Variants in ATP13A4 observed in about 807,000 individuals in gnomAD.
ATP13A4 encodes ATPase 13A4.
A neutral mutation model predicts 142.5 loss-of-function variants in ATP13A4; 114 were observed. The observed-to-expected ratio is 0.80, with a 90% CI of 0.69 to 0.93. The LOEUF (loss-of-function observed/expected upper bound fraction) is 0.93, where lower values mean the gene tolerates loss of function less well. Ranked by LOEUF, ATP13A4 falls within the 40% of genes least tolerant of loss-of-function variation. The pLI, the probability that ATP13A4 is intolerant of heterozygous loss-of-function variation, is 0.00. For synonymous variants in ATP13A4, 488 were observed against 514.8 expected (o/e 0.95, Z 0.70); for missense variants, 1,392 against 1,454.0 (o/e 0.96, Z 0.69).
At position 193,448,244 on chromosome 3, in the gene ATP13A4, T is replaced by C. The variant is rs778965925; in HGVS notation, c.2114A>G (p.Glu705Gly). 2 of 1,614,096 alleles carry C rather than the reference T, an allele frequency of 1.2e-6. No homozygotes were observed. The highest frequency in any genetic ancestry group is 1.3e-5 in the African/African-American group (1 of 74,952). The change falls in exon 18 of 30, where the codon GAG (glutamate) becomes GGG (glycine). Residue 705 changes from glutamate to glycine, a missense_variant. Transcript: ENST00000342695. Reference sequence around the variant, plus strand: ...AGTCCTTATCCGGGCTGAGATGAGCTCTTCCAAGACAGGTTTTGTCTCTTC... The same window carrying C: ...AGTCCTTATCCGGGCTGAGATGAGCCCTTCCAAGACAGGTTTTGTCTCTTC... ...LKEETKPVLE[E>G]LISARIRTVM... is the part of the protein sequence containing the mutation.
chr3:193,506,672 G>T (rs1204934621), intron 2 of ATP13A4, among the ~76,000 whole-genome samples: 1 of 152,132 alleles, frequency 6.6e-6, no homozygotes, highest in South Asian at 2.1e-4. Context: ...GGGACCCAGT[G>T]GGGGGTAATT....
At chr3:193,440,521 A>G in intron 21 of ATP13A4, 37 bp downstream of exon 21, 1 of 1,613,022 alleles carries the variant, frequency 6.2e-7, no homozygotes, top group Non-Finnish European at 8.5e-7. Context: ...TTATGCCTCC[A>G]TGCAGTTCAT....
rs1714954528 is a variant in ATP13A4, at chr3:193,414,599, C to T, written c.2994G>A (p.Trp998Ter). 8.7e-6 allele frequency: 14 copies of T among 1,614,042 alleles called. No individual in the cohort carries two copies. Among genetic ancestry groups the T allele is most frequent in the Non-Finnish European group, 1.2e-5 (14 of 1,179,986 alleles). The change falls in exon 26 of 30, where the codon TGG (tryptophan) becomes TGA (stop). Residue 998 changes from tryptophan to a stop codon, truncating the protein, a stop_gained. Transcript: ENST00000342695. LOFTEE classifies it high-confidence loss of function. ...CATACCTGTGTATCTCCACGGAATACCAAGGCTGCCTCTGAACCAGGATGA... is the reference window on the plus strand; with the variant it reads ...CATACCTGTGTATCTCCACGGAATATCAAGGCTGCCTCTGAACCAGGATGA... The part of the protein sequence containing the change: ...AGFILVQRQP[W>*]YSVEIHSACT...
At chr3:193,511,383 C>T (rs746024982) in intron 2 of ATP13A4, among the ~76,000 whole-genome samples, 7 of 152,128 alleles carry the variant, frequency 4.6e-5, no homozygotes, top group East Asian at 3.9e-4. Context: ...AGAGATCACC[C>T]GACTGAGTAT....
At chr3:193,480,899 TG>T (rs1719253514) in intron 8 of ATP13A4, among the ~76,000 whole-genome samples, 1 of 152,038 alleles carries the variant, frequency 6.6e-6, no homozygotes, top group Non-Finnish European at 1.5e-5. Flanking sequence ...AATCTATGAG[TG>T]GATAAAGAAA....
intron 24 of ATP13A4, 92 bp from the exon 25 acceptor site, chr3:193,434,009 G>T: frequency 9.5e-7 from 1 of 1,055,798 alleles, no homozygotes; most frequent in Non-Finnish European, 1.5e-6. Flanking sequence ...GTGACATAGG[G>T]TTTTTCAAGT....
intron 2 of ATP13A4, among the ~76,000 whole-genome samples, chr3:193,511,554 T>C (rs939121164): frequency 7.2e-5 from 11 of 152,224 alleles, no homozygotes; most frequent in African/African-American, 2.7e-4. Flanking sequence ...CTCTTTTGTA[T>C]AGAACACTTT....
At chr3:193,532,083 GTCA>G (rs1253026011) in intron 1 of ATP13A4, among the ~76,000 whole-genome samples, 8 of 151,978 alleles carry the variant, frequency 5.3e-5, no homozygotes, top group Non-Finnish European at 1.0e-4. Flanking sequence ...AGATTCCAGA[GTCA>G]TCACCCCAAA....
chr3:193,501,726 A>G (rs1394147321), intron 3 of ATP13A4, among the ~76,000 whole-genome samples: 1 of 152,208 alleles, frequency 6.6e-6, no homozygotes, highest in Non-Finnish European at 1.5e-5. Flanking sequence ...ACATAAATGT[A>G]AGACAAAACA....
chr3:193,560,314 T>G (rs1723987866), intron 2 of ATP13A4, among the ~76,000 whole-genome samples: 1 of 151,930 alleles, frequency 6.6e-6, no homozygotes, highest in Non-Finnish European at 1.5e-5. Context: ...GCCCAAGGGA[T>G]CCTGCCACCT....
At position 193,491,536 on chromosome 3, in the gene ATP13A4, T is replaced by C; in HGVS notation, c.534-138A>G. 4 of 694,786 alleles carry C rather than the reference T, an allele frequency of 5.8e-6. No individual in the cohort carries two copies. The South Asian group carries it at 6.5e-5, about 11-fold the overall frequency. The allele number at this position is 694,786 out of a possible 1,614,324, so 43.0% of individuals were successfully genotyped here. On this transcript the variant is annotated intron_variant, in intron 5 of 29. Coordinates refer to ENST00000342695, the MANE Select transcript of ATP13A4 (RefSeq NM_032279.4). ...CATAAGTCTCCCTTGTTAAATACCA[T>C]TCTGATCCTTCTCAAAATAATGGGA...
Position 193,467,395 on chromosome 3 carries a change from A to G in ATP13A4, c.1035T>C (p.His345=), listed in dbSNP as rs1420533862. ...TAACCTCTGTTCCACAGAAGAGGAC[A>G]TGCCGCTTGTAATCCGCTTCACTCT... is the stretch of plus-strand genomic sequence containing the variant. The part of the protein sequence containing the change: ...KTQSEADYKR[H]VLFCGTEVIQ... Residue 345 remains histidine (H), a synonymous_variant, in exon 10 of 30, where the codon CAT becomes CAC. Coordinates refer to ENST00000342695, the MANE Select transcript of ATP13A4 (RefSeq NM_032279.4). 1.9e-6 allele frequency: 3 copies of G among 1,614,124 alleles called. No homozygotes were observed. Among genetic ancestry groups the G allele is most frequent in the African/African-American group, 1.3e-5 (1 of 75,040 alleles).
chr3:193,466,175 G>C lies in ATP13A4; in HGVS notation c.1122C>G (p.Asn374Lys). Residue 374 changes from asparagine to lysine, a missense_variant, in exon 11 of 30, where the codon AAC (asparagine) becomes AAG (lysine). By Grantham distance (94) the Asn-to-Lys change is moderately conservative. Transcript: ENST00000342695. Reference protein sequence around the residue: ...VRAVVLQTGFNTAKGDLVRSI... With the variant: ...VRAVVLQTGFKTAKGDLVRSI... ...ATCTCACAAGGTCTCCCTTTGCAGT[G>C]TTGAATCCTGGAACAACAAACACAC... 6.2e-7 allele frequency: 1 copy of C among 1,613,852 alleles called. No homozygotes were observed.
intron 1 of ATP13A4, among the ~76,000 whole-genome samples, chr3:193,539,902 G>A (rs1171298688): frequency 6.6e-6 from 1 of 152,130 alleles, no homozygotes; most frequent in Non-Finnish European, 1.5e-5. Context: ...TGGACACTCT[G>A]TGGGAAATTA....
intron 2 of ATP13A4, among the ~76,000 whole-genome samples, chr3:193,569,676 C>T (rs1029569021): frequency 3.3e-5 from 5 of 151,918 alleles, no homozygotes; most frequent in Admixed American, 1.3e-4. Context: ...GACAGATGCA[C>T]GCCACCACGC....
At position 193,491,237 on chromosome 3, in the gene ATP13A4, A is replaced by C. The variant is rs189457335; in HGVS notation, c.603+92T>G. 1,406 of 918,628 alleles carry C rather than the reference A, an allele frequency of 1.5e-3. 4 individuals carry two copies. The highest frequency in any genetic ancestry group is 2.3e-3 in the Non-Finnish European group (1,248 of 549,396). The allele number at this position is 918,628 out of a possible 1,614,324, so 56.9% of individuals were successfully genotyped here. ...TTCAAAATATACTCTATGTGAAGTT[A>C]CTTATTAACAATTAGCACTCCTGAT... On this transcript the variant is annotated intron_variant, in intron 6 of 29. Transcript: ENST00000342695.
chr3:193,469,097 C>G (rs142054097), intron 9 of ATP13A4, among the ~76,000 whole-genome samples: 2 of 152,096 alleles, frequency 1.3e-5, no homozygotes, highest in Non-Finnish European at 2.9e-5. Flanking sequence ...GACAAGATTA[C>G]TTAGAGACCA....
chr3:193,587,464 A>G (rs185092670), intron 1 of ATP13A4, among the ~76,000 whole-genome samples: 139 of 152,332 alleles, frequency 9.1e-4, no homozygotes, highest in African/African-American at 3.1e-3. Context: ...CTACCTAGAT[A>G]ATCTAGTATA....
At chr3:193,469,822 G>A (rs1718513959) in intron 9 of ATP13A4, among the ~76,000 whole-genome samples, 1 of 152,124 alleles carries the variant, frequency 6.6e-6, no homozygotes, top group Non-Finnish European at 1.5e-5. Flanking sequence ...TCTGCAGAGT[G>A]GTCAATAGAA....
Sources: allele counts gnomAD v4.1 joint callset (sites outside exome capture counted in the v4.1 genomes callset), GRCh38; gene constraint gnomAD v4.1.1; transcripts MANE v1.5; gene names NCBI Gene and HGNC (gene_info 2026-07-23, HGNC 2026-07-21).